Variants in PRPF6 observed in about 807,000 individuals in gnomAD.
PRPF6 encodes pre-mRNA processing factor 6.
Under a neutral mutation model 118.3 loss-of-function variants are expected in PRPF6, and 42 were observed. The observed-to-expected ratio is 0.35, with a 90% CI of 0.28 to 0.46. PRPF6 has a LOEUF of 0.46. PRPF6 is among the 20% of genes least tolerant of loss of function. The pLI is 1.00. For missense variants in PRPF6, 662 were observed against 1,255.7 expected, an observed-to-expected ratio of 0.53 and a Z score of 7.15; for synonymous variants, 481 against 485.1, an observed-to-expected ratio of 0.99 and a Z score of 0.11.
Position 64,011,519 on chromosome 20 carries a change from G to A in PRPF6, c.1524+16G>A, listed in dbSNP as rs766482612. ...GTGGATCCAGGTGGGCCGCAGGCGG[G>A]TGTCGTGGTGTCTGCTTTAACAGTG... On this transcript the variant is annotated intron_variant, in intron 11 of 20. Coordinates refer to ENST00000266079, the MANE Select transcript of PRPF6 (RefSeq NM_012469.4). This position sits in a 1 kb window ranked among gnomAD's most constrained non-coding sequence, Gnocchi z 6.7. 3 of 1,604,564 alleles carry A rather than the reference G, an allele frequency of 1.9e-6. No individual in the cohort carries two copies. The highest frequency in any genetic ancestry group is 1.7e-6 in the Non-Finnish European group (2 of 1,176,250).
At chr20:64,009,279 C>CAAAAAAAAAAAAAA (rs59045216) in intron 9 of PRPF6, among the ~76,000 whole-genome samples, 1 of 38,228 alleles carries the variant, frequency 2.6e-5, no homozygotes, top group Non-Finnish European at 4.9e-5. Flanking sequence ...GACTCCATCG[C>CAAAAAAAAAAAAAA]AAAAAAAAAA....
At chr20:63,991,951 A>G (rs2059120592) in intron 3 of PRPF6, among the ~76,000 whole-genome samples, 1 of 152,212 alleles carries the variant, frequency 6.6e-6, no homozygotes, top group South Asian at 2.1e-4. Flanking sequence ...AGAGCTGTGC[A>G]GCTGAGCTGA....
chr20:63,984,492 A>C (rs954610803), intron 2 of PRPF6, among the ~76,000 whole-genome samples: 20 of 152,110 alleles, frequency 1.3e-4, no homozygotes, highest in Admixed American at 1.2e-3. Flanking sequence ...TGCCCCCCCA[A>C]AAAAAAGTTT....
At chr20:63,988,575 A>T (rs1321064495) in intron 3 of PRPF6, among the ~76,000 whole-genome samples, 1 of 152,100 alleles carries the variant, frequency 6.6e-6, no homozygotes, top group African/African-American at 2.4e-5. Context: ...TGGGGACATT[A>T]TTAACAGATA....
intron 1 of PRPF6, among the ~76,000 whole-genome samples, chr20:63,981,960 T>G (rs1288250588): frequency 6.6e-6 from 1 of 151,994 alleles, no homozygotes; most frequent in East Asian, 1.9e-4. Flanking sequence ...GACTTAGGGC[T>G]GTAGAAACGG....
intron 9 of PRPF6, among the ~76,000 whole-genome samples, chr20:64,001,912 T>G (rs1242858553): frequency 6.6e-6 from 1 of 152,114 alleles, no homozygotes; most frequent in Non-Finnish European, 1.5e-5. Context: ...TAGTAGATGC[T>G]GCTCTTGAAC....
intron 3 of PRPF6, among the ~76,000 whole-genome samples, chr20:63,987,960 A>G (rs1319615608): frequency 1.3e-5 from 2 of 152,174 alleles, no homozygotes; most frequent in African/African-American, 4.8e-5. Flanking sequence ...AGGCAGGTGG[A>G]TGACTGGAGG....
At position 64,026,461 on chromosome 20, in the gene PRPF6, G is replaced by A. The variant is rs924594251; in HGVS notation, c.2028+403G>A. Among the ~76,000 whole-genome samples the A allele has an allele frequency of 3.9e-5, 6 of 152,008 alleles. No homozygotes were observed. The highest frequency in any genetic ancestry group is 5.9e-5 in the Non-Finnish European group (4 of 68,026). ...GTGGAGGTTGCGGTGAGCTGAGATC[G>A]CGCCACTGCACTCCAGCCTGGGCAG... On this transcript the variant is annotated intron_variant, in intron 15 of 20. Coordinates refer to ENST00000266079, the MANE Select transcript of PRPF6 (RefSeq NM_012469.4). The surrounding 1 kb of genome is among the most constrained non-coding windows in gnomAD (Gnocchi z 4.4).
intron 3 of PRPF6, among the ~76,000 whole-genome samples, chr20:63,987,196 G>T (rs1015575963): frequency 2.0e-5 from 3 of 149,722 alleles, no homozygotes; most frequent in Non-Finnish European, 4.5e-5. Context: ...AAAAGGGGGG[G>T]GGAGCATAAC....
At chr20:64,006,252 A>G (rs987870992) in intron 9 of PRPF6, among the ~76,000 whole-genome samples, 2 of 151,400 alleles carry the variant, frequency 1.3e-5, no homozygotes, top group Non-Finnish European at 2.9e-5. Flanking sequence ...TGAGGAGGCC[A>G]GAGGGAGCTG....
intron 1 of PRPF6, among the ~76,000 whole-genome samples, chr20:63,981,684 C>T (rs1194200204): frequency 2.1e-5 from 3 of 141,652 alleles, no homozygotes; most frequent in Admixed American, 1.4e-4. Flanking sequence ...TTAAGCGTGC[C>T]TGGGTCCTCT....
Position 63,984,902 on chromosome 20 carries a change from C to T in PRPF6, c.241-5C>T. The T allele has an allele frequency of 3.1e-6, 5 of 1,607,774 alleles. No homozygotes were observed. The highest frequency in any genetic ancestry group is 2.2e-5 in the South Asian group (2 of 90,820). The stretch of plus-strand genomic sequence containing the variant: ...TGACCTCTACACGTGTTGTTTGCTT[C>T]TCAGTTTAATGGCTATGCTGGGAGC... On this transcript the variant is annotated splice_region_variant and splice_polypyrimidine_tract_variant and intron_variant, in intron 2 of 20. Transcript: ENST00000266079.
In PRPF6 at chr20:64,011,249, G is replaced by A. The variant is rs749917595; in HGVS notation, c.1306-36G>A. 13 of 1,602,862 alleles carry A rather than the reference G, an allele frequency of 8.1e-6. No homozygotes were observed. The East Asian group carries it at 8.9e-5, about 11-fold the overall frequency. ...GGCCTGCAGCTGTCCCCCCAGCACA[G>A]TGTCCTCTCCTTTTTCTCGTGTCCT... On this transcript the variant is annotated intron_variant, in intron 10 of 20. Coordinates refer to ENST00000266079, the MANE Select transcript of PRPF6 (RefSeq NM_012469.4). The surrounding 1 kb of genome is among the most constrained non-coding windows in gnomAD (Gnocchi z 6.7).
chr20:64,001,027 C>T (rs764293598), intron 8 of PRPF6, 50 bp from the exon 9 acceptor site: 58 of 1,594,566 alleles, frequency 3.6e-5, no homozygotes, highest in East Asian at 1.8e-4. Context: ...TGCCCTGTTG[C>T]GGCTTCCAGC....
At chr20:63,997,762 A>G (rs866624095) in intron 6 of PRPF6, among the ~76,000 whole-genome samples, 7 of 151,848 alleles carry the variant, frequency 4.6e-5, no homozygotes, top group Admixed American at 1.3e-4. Flanking sequence ...TTAGTTAGAG[A>G]TGGGATTTCA....
chr20:64,021,542 C>T (rs1403852261), intron 12 of PRPF6, among the ~76,000 whole-genome samples: 1 of 145,370 alleles, frequency 6.9e-6, no homozygotes, highest in Non-Finnish European at 1.5e-5. Flanking sequence ...AGCCACAGCC[C>T]CGTGTCTGTG....
intron 11 of PRPF6, among the ~76,000 whole-genome samples, chr20:64,016,329 A>G (rs2059238095): frequency 6.6e-6 from 1 of 152,058 alleles, no homozygotes; most frequent in Admixed American, 6.6e-5. Context: ...GGGTTTCACC[A>G]GGTTGGCCAG....
chr20:64,021,290 G>A (rs1238904979), intron 12 of PRPF6, among the ~76,000 whole-genome samples: 1 of 70,572 alleles, frequency 1.4e-5, no homozygotes, highest in Admixed American at 1.1e-4. Flanking sequence ...AGCCCCGTGC[G>A]TGTGTGTGTG....
At chr20:63,981,651 C>T (rs907510199) in intron 1 of PRPF6, among the ~76,000 whole-genome samples, 86 of 144,158 alleles carry the variant, frequency 6.0e-4, no homozygotes, top group South Asian at 5.7e-3. Context: ...ACTCCCCCCC[C>T]CCGCCCGCCC....
Sources: gnomAD v4.1 joint callset for allele counts (sites outside exome capture counted in the v4.1 genomes callset) on GRCh38, gnomAD v4.1.1 for gene constraint, Gnocchi (gnomAD v3.1) non-coding constraint, MANE v1.5 for transcripts, NCBI Gene and HGNC (gene_info 2026-07-23, HGNC 2026-07-21) for gene names.